Variants in DENND6B observed in about 807,000 individuals in gnomAD.
DENND6B encodes the protein DENN domain containing 6B.
DENND6B carries 73 observed loss-of-function variants against 85.1 expected under a neutral mutation model. The ratio of observed to expected loss-of-function variants is 0.86; its 90% confidence interval spans 0.71 to 1.04. The LOEUF (loss-of-function observed/expected upper bound fraction) is 1.04. DENND6B is among the 50% of genes least tolerant of loss of function. The pLI, the probability that DENND6B is intolerant of heterozygous loss-of-function variation, is 0.00. For synonymous variants in DENND6B, 357 were observed against 329.3 expected (o/e 1.08, Z -0.91); for missense variants, 715 against 785.8 (o/e 0.91, Z 1.08).
At chr22:50,315,533 G>T (rs1213854100) in intron 9 of DENND6B, among the ~76,000 whole-genome samples, 181 bp downstream of exon 9, 1 of 152,170 alleles carries the variant, frequency 6.6e-6, no homozygotes, top group East Asian at 1.9e-4. Context: ...CAGGATGAGC[G>T]CTGCCTCCCT....
At position 50,309,667 on chromosome 22, in the gene DENND6B, C is replaced by G. The variant is rs148154501; in HGVS notation, c.*2472G>C. 2.0e-5 allele frequency: 3 copies of G among 152,426 alleles called. No homozygotes were observed. Among genetic ancestry groups the G allele is most frequent in the Admixed American group, 6.5e-5 (1 of 15,280 alleles). The allele number at this position is 152,426 out of a possible 1,614,324, so 9.4% of individuals were successfully genotyped here. ...TGCTGGCCACCCAGCCCGGTTCCCCCCTCAAGTTCCCCCTTCACACGCCAC... is the reference window on the plus strand; with the variant it reads ...TGCTGGCCACCCAGCCCGGTTCCCCGCTCAAGTTCCCCCTTCACACGCCAC... On this transcript the variant is annotated 3_prime_UTR_variant, in exon 20 of 20. Transcript: ENST00000413817.
intron 1 of DENND6B, 93 bp downstream of exon 1, chr22:50,326,719 T>C: frequency 1.7e-6 from 2 of 1,155,352 alleles, no homozygotes; most frequent in Non-Finnish European, 1.1e-6. Context: ...CCAGGGAGAG[T>C]GCGGGGCGGC....
intron 1 of DENND6B, chr22:50,319,317 T>G: frequency 1.0e-6 from 1 of 985,316 alleles, no homozygotes; most frequent in South Asian, 4.7e-5. Flanking sequence ...GCAACTCCCC[T>G]GCCGGCCAGA....
At chr22:50,313,344 C>A in intron 16 of DENND6B, 102 bp downstream of exon 16, 1 of 1,436,978 alleles carries the variant, frequency 7.0e-7, no homozygotes, top group Non-Finnish European at 9.3e-7. Flanking sequence ...AGGCCTGTGG[C>A]TCCTGCCCAG....
At position 50,309,933 on chromosome 22, in the gene DENND6B, TTG is replaced by T. The variant is rs2068038826; in HGVS notation, c.*2204_*2205del. The stretch of plus-strand genomic sequence containing the variant: ...TGCGCTCCCCAAAGTGGGGTCACAG[TTG>T]TGAGAGAGGTGGGTTGTCTTCCCAA... On this transcript the variant is annotated 3_prime_UTR_variant, in exon 20 of 20. Transcript: ENST00000413817. The T allele has an allele frequency of 6.6e-6, 1 of 152,282 alleles. No homozygotes were observed. Among genetic ancestry groups the T allele is most frequent in the Non-Finnish European group, 1.5e-5 (1 of 68,068 alleles). The allele number at this position is 152,282 out of a possible 1,614,324, so 9.4% of individuals were successfully genotyped here. A position where few individuals can be genotyped will look rare whatever the true frequency, so the allele number is the denominator to read the frequency against.
chr22:50,312,236 G>A lies in DENND6B; in HGVS notation c.1661C>T (p.Pro554Leu), dbSNP rs774585454. The A allele has an allele frequency of 5.6e-6, 9 of 1,612,182 alleles. No individual in the cohort carries two copies. Among genetic ancestry groups the A allele is most frequent in the African/African-American group, 2.7e-5 (2 of 74,914 alleles). The stretch of plus-strand genomic sequence containing the variant: ...CCGCTGCAGCGTAGCCTCCTTCACA[G>A]GGAGCTGGTGGCCCTGAGCCCGCAC... ...KLVRAQGHQL[P>L]VKEATLQRAQ... The change falls in exon 20 of 20, where the codon CCT becomes CTT. Residue 554 changes from proline (P) to leucine (L), a missense_variant. Physicochemically the swap from Pro to Leu is moderately conservative, Grantham distance 98. Coordinates refer to ENST00000413817, the MANE Select transcript of DENND6B (RefSeq NM_001001794.4).
Position 50,318,988 on chromosome 22 carries a change from C to A in DENND6B, c.193G>T (p.Asp65Tyr). ...GQALELVYPNDFRLTDKEKSS... is the reference protein window; with the variant it reads ...GQALELVYPNYFRLTDKEKSS... The stretch of plus-strand genomic sequence containing the variant: ...ACCTCCTTGTCTGTGAGCCGGAAGT[C>A]GTTCGGATACACCAGCTGCAGAGGA... Residue 65 changes from aspartate (D) to tyrosine (Y), a missense_variant, in exon 2 of 20, where the codon GAC becomes TAC. Coordinates refer to ENST00000413817, the MANE Select transcript of DENND6B (RefSeq NM_001001794.4). 6.2e-7 allele frequency: 1 copy of A among 1,602,266 alleles called. No individual in the cohort carries two copies. Among genetic ancestry groups the A allele is most frequent in the Non-Finnish European group, 8.5e-7 (1 of 1,174,642 alleles).
At chr22:50,314,960 G>A (rs764354480) in intron 9 of DENND6B, 39 bp from the exon 10 acceptor site, 2 of 1,599,796 alleles carry the variant, frequency 1.3e-6, no homozygotes, top group South Asian at 2.2e-5. Context: ...TCAGGCAGGG[G>A]CTGAGACTCC....
chr22:50,326,530 G>T (rs887916190), intron 1 of DENND6B, among the ~76,000 whole-genome samples: 1 of 152,218 alleles, frequency 6.6e-6, no homozygotes, highest in Non-Finnish European at 1.5e-5. Flanking sequence ...GGGAATGGAG[G>T]GGGGAGATGT....
intron 5 of DENND6B, 120 bp from the exon 6 acceptor site, chr22:50,316,595 C>T: frequency 6.5e-7 from 1 of 1,541,392 alleles, no homozygotes; most frequent in Non-Finnish European, 8.7e-7. Context: ...GCACGTCCCA[C>T]CAACTTCACA....
intron 4 of DENND6B, among the ~76,000 whole-genome samples, 181 bp from the exon 5 acceptor site, chr22:50,317,554 C>A (rs1277399630): frequency 6.6e-6 from 1 of 152,096 alleles, no homozygotes; most frequent in Non-Finnish European, 1.5e-5. Flanking sequence ...AGGTCCTGGG[C>A]TCAGAAGGTG....
chr22:50,317,235 C>T, intron 5 of DENND6B, 58 bp downstream of exon 5: 1 of 1,595,468 alleles, frequency 6.3e-7, no homozygotes, highest in Non-Finnish European at 8.5e-7. Context: ...GCCCCTCCTG[C>T]TGCCTGCCAG....
rs79963704 is a variant in DENND6B at position 50,319,546 on chromosome 22, T to C, written c.178-543A>G. 185 of 901,396 alleles carry C rather than the reference T, an allele frequency of 2.1e-4. No homozygotes were observed. The African/African-American group carries it at 2.1e-3, about 10-fold the overall frequency. The allele number at this position is 901,396 out of a possible 1,614,324, so 55.8% of individuals were successfully genotyped here. The stretch of plus-strand genomic sequence containing the variant: ...GACCCAGAGGCCCCCTCACCCGGGA[T>C]GGTCACGGGGCTCCACCTGGCCGGC... On this transcript the variant is annotated intron_variant, in intron 1 of 19. Transcript: ENST00000413817.
At position 50,316,470 on chromosome 22, in the gene DENND6B, C is replaced by T; in HGVS notation, c.459G>A (p.Leu153=). ...SVKRGYFQKS[L]VLVSRLPFVR... Reference sequence around the variant, plus strand: ...CAAAGGGCAAGCGGGACACCAGCACCAAAGACTGCAGGGCCACGGGGCCAG... The same window carrying T: ...CAAAGGGCAAGCGGGACACCAGCACTAAAGACTGCAGGGCCACGGGGCCAG... Residue 153 remains leucine, a synonymous_variant, in exon 6 of 20, where the codon TTG becomes TTA. Coordinates refer to ENST00000413817, the MANE Select transcript of DENND6B (RefSeq NM_001001794.4). 6.3e-7 allele frequency: 1 copy of T among 1,577,198 alleles called. No individual in the cohort carries two copies. The highest frequency in any genetic ancestry group is 8.6e-7 in the Non-Finnish European group (1 of 1,163,246).
Position 50,309,980 on chromosome 22 carries a change from G to A in DENND6B, c.*2159C>T, listed in dbSNP as rs933869365. ...TCCCAAGCTGCCCCGACACCTTGAA[G>A]TGGTGGTCCTCAGGGGGCTGGTCAC... is the stretch of plus-strand genomic sequence containing the variant. On this transcript the variant is annotated 3_prime_UTR_variant, in exon 20 of 20. Coordinates refer to ENST00000413817, the MANE Select transcript of DENND6B (RefSeq NM_001001794.4). The A allele has an allele frequency of 2.0e-5, 3 of 152,318 alleles. No individual in the cohort carries two copies. The highest frequency in any genetic ancestry group is 2.9e-5 in the Non-Finnish European group (2 of 68,096). 9.4% of individuals were successfully genotyped at this position (152,318 alleles called of 1,614,324 possible). A position where few individuals can be genotyped will look rare whatever the true frequency, so the allele number is the denominator to read the frequency against.
intron 1 of DENND6B, among the ~76,000 whole-genome samples, chr22:50,322,948 T>TCACACCATTCTCCTGACTC (rs2042092382): frequency 6.7e-6 from 1 of 149,824 alleles, no homozygotes; most frequent in Non-Finnish European, 1.5e-5. Context: ...CCTCCTGGGT[T>TCACACCATTCTCCTGACTC]CACACCATTC....
intron 3 of DENND6B, 36 bp downstream of exon 3, chr22:50,318,811 T>C: frequency 1.2e-6 from 2 of 1,611,154 alleles, no homozygotes; most frequent in Non-Finnish European, 8.5e-7. Context: ...CCCAGCTGGC[T>C]TCATGTCCAG....
intron 8 of DENND6B, 80 bp downstream of exon 8, chr22:50,315,945 G>C (rs548939289): frequency 8.7e-6 from 14 of 1,602,754 alleles, no homozygotes; most frequent in Non-Finnish European, 9.4e-6. Context: ...GGAAGCAGGT[G>C]TGGGACCACC....
rs747221557 is a variant in DENND6B at position 50,313,657 on chromosome 22, G to T, written c.1271C>A (p.Thr424Asn). The change falls in exon 15 of 20, where the codon ACC becomes AAC. Residue 424 changes from threonine to asparagine, a missense_variant. Transcript: ENST00000413817. ...ALLRRHLLEL[T>N]QSFIIPLEHY... ...CACCAGGGGGATGATGAAGCTCTGG[G>T]TGAGCTCCAGGAGGTGCCGCCGCAG... The T allele has an allele frequency of 6.9e-6, 11 of 1,593,966 alleles. No homozygotes were observed. The East Asian group carries it at 2.0e-4, about 30-fold the overall frequency.
Sources: allele counts gnomAD v4.1 joint callset (sites outside exome capture counted in the v4.1 genomes callset), GRCh38; gene constraint gnomAD v4.1.1; transcripts MANE v1.5; gene names NCBI Gene and HGNC (gene_info 2026-07-23, HGNC 2026-07-21).